RIGI: variants seen among roughly 807,000 people sequenced by gnomAD.
The protein encoded by RIGI is RNA sensor RIG-I, also known as antiviral innate immune response receptor RIG-I.
the RIGI span, chr9:32,489,488 C>T: frequency 2.2e-6 from 3 of 1,384,014 alleles, no homozygotes; most frequent in Non-Finnish European, 3.1e-6. Context: ...CAAACAGTTC[C>T]TGCTCTGAGG....
At chr9:32,461,803 T>C in the RIGI span, among the ~76,000 whole-genome samples, 6 of 152,206 alleles carry the variant, frequency 3.9e-5, no homozygotes, top group African/African-American at 1.2e-4. Flanking sequence ...ATTTTTATTT[T>C]TCTAGAAATA....
At chr9:32,491,501 T>C in the RIGI span, 4 of 1,144,546 alleles carry the variant, frequency 3.5e-6, no homozygotes, top group Non-Finnish European at 4.9e-6. Context: ...AAAATGGTCA[T>C]AACACTAAGA....
the RIGI span, chr9:32,493,986 G>A: frequency 7.1e-7 from 1 of 1,399,658 alleles, no homozygotes; most frequent in Admixed American, 2.5e-5. Context: ...GAAACCAACT[G>A]AAAAATACTT....
chr9:32,474,659 G>A, the RIGI span, among the ~76,000 whole-genome samples: 1 of 152,154 alleles, frequency 6.6e-6, no homozygotes, highest in Admixed American at 6.5e-5. Context: ...AGAGGAGTTT[G>A]GAAGTTAACC....
the RIGI span, among the ~76,000 whole-genome samples, chr9:32,497,664 A>G: frequency 9.2e-5 from 14 of 152,144 alleles, no homozygotes; most frequent in African/African-American, 3.1e-4. Context: ...GGAGAATGGC[A>G]TGAACCCAGG....
the RIGI span, among the ~76,000 whole-genome samples, chr9:32,493,083 G>A: frequency 6.6e-6 from 1 of 152,158 alleles, no homozygotes; most frequent in African/African-American, 2.4e-5. Context: ...GAAACAGATA[G>A]ATATTCAGAG....
At chr9:32,514,742 G>A in the RIGI span, among the ~76,000 whole-genome samples, 1 of 152,024 alleles carries the variant, frequency 6.6e-6, no homozygotes, top group Non-Finnish European at 1.5e-5. Flanking sequence ...AGAAATGCTT[G>A]ACTATTGCAC....
the RIGI span, among the ~76,000 whole-genome samples, chr9:32,524,774 G>A: frequency 6.6e-6 from 1 of 151,490 alleles, no homozygotes. Flanking sequence ...GGCTAATTTT[G>A]TATTTTTCGG....
the RIGI span, among the ~76,000 whole-genome samples, chr9:32,502,262 G>A: frequency 6.6e-6 from 1 of 152,134 alleles, no homozygotes; most frequent in Admixed American, 6.5e-5. Flanking sequence ...CTCATCAGTG[G>A]GCATTTGATT....
chr9:32,512,579 A>C, the RIGI span, among the ~76,000 whole-genome samples: 154 of 152,246 alleles, frequency 1.0e-3, no homozygotes, highest in African/African-American at 3.4e-3. Context: ...CAGAATAATA[A>C]AGAGCTATTT....
At chr9:32,519,887 T>C in the RIGI span, among the ~76,000 whole-genome samples, 5 of 152,198 alleles carry the variant, frequency 3.3e-5, no homozygotes, top group African/African-American at 1.2e-4. Flanking sequence ...GAAAACAAAA[T>C]ATGTACATAC....
At chr9:32,505,400 G>T in the RIGI span, among the ~76,000 whole-genome samples, 1 of 151,880 alleles carries the variant, frequency 6.6e-6, no homozygotes, top group Non-Finnish European at 1.5e-5. Flanking sequence ...CTTACTTTCC[G>T]GTATTTTTAT....
chr9:32,481,706 C>T, the RIGI span, among the ~76,000 whole-genome samples: 1 of 152,146 alleles, frequency 6.6e-6, no homozygotes, highest in South Asian at 2.1e-4. Context: ...CTGCCTCAGC[C>T]TGCTAAGTAG....
the RIGI span, among the ~76,000 whole-genome samples, chr9:32,489,699 T>C: frequency 1.1e-4 from 16 of 151,368 alleles, no homozygotes; most frequent in African/African-American, 3.9e-4. Flanking sequence ...TATACAATCA[T>C]GGAAGGCTAA....
chr9:32,518,137 G>C, the RIGI span, among the ~76,000 whole-genome samples: 1 of 152,072 alleles, frequency 6.6e-6, no homozygotes, highest in Non-Finnish European at 1.5e-5. Flanking sequence ...ATGTGCAAAA[G>C]ACAATGTGTT....
chr9:32,510,803 A>C, the RIGI span, among the ~76,000 whole-genome samples: 21,430 of 152,174 alleles, frequency 0.14, 1,517 homozygotes, highest in Middle Eastern at 0.3. Flanking sequence ...AAATTGGATA[A>C]AGAGTCAAGA....
the RIGI span, chr9:32,466,177 C>G: frequency 9.1e-7 from 1 of 1,104,552 alleles, no homozygotes; most frequent in Non-Finnish European, 1.3e-6. Context: ...TAAGTATAAA[C>G]TTTTTGTTGT....
At chr9:32,522,866 G>T in the RIGI span, among the ~76,000 whole-genome samples, 5 of 152,030 alleles carry the variant, frequency 3.3e-5, no homozygotes, top group Non-Finnish European at 7.4e-5. Flanking sequence ...CAATTCTTTC[G>T]AATAAACATG....
chr9:32,487,868 T>G, the RIGI span: 1 of 1,503,824 alleles, frequency 6.6e-7, no homozygotes, highest in Non-Finnish European at 9.0e-7. Flanking sequence ...ACATCTTCAG[T>G]GTGGCCATAA....
Sources: allele counts gnomAD v4.1 joint callset (sites outside exome capture counted in the v4.1 genomes callset), GRCh38; gene constraint gnomAD v4.1.1; transcripts MANE v1.5; gene names NCBI Gene and HGNC (gene_info 2026-07-23, HGNC 2026-07-21).